The following RP1 variants were observed in gnomAD, a reference collection of about 807,000 sequenced individuals.
The protein encoded by RP1 is oxygen-regulated protein 1.
In RP1, 16 loss-of-function variants were observed where a neutral mutation model predicts 14.8. The observed-to-expected ratio is 1.08, with a 90% CI of 0.73 to 1.65. The LOEUF is 1.65. Among genes scored for constraint, RP1 ranks in the 40% most tolerant of loss-of-function variants. The probability of loss-of-function intolerance (pLI) is 0.00; values close to 1 mark genes in which losing one functional copy is unlikely to be tolerated. For missense variants in RP1, 2,631 were observed against 2,535.0 expected, an observed-to-expected ratio of 1.04 and a Z score of -0.81; for synonymous variants, 876 against 883.6, an observed-to-expected ratio of 0.99 and a Z score of 0.15.
intron 27 of RP1, among the ~76,000 whole-genome samples, chr8:54,865,376 T>G (rs1217186694): frequency 1.3e-5 from 2 of 151,770 alleles, no homozygotes; most frequent in Non-Finnish European, 2.9e-5. Context: ...CTTCTCTCTC[T>G]CCCTTCTTTC....
chr8:54,775,000 T>C (rs1809998206), intron 23 of RP1, among the ~76,000 whole-genome samples: 1 of 152,066 alleles, frequency 6.6e-6, no homozygotes, highest in Non-Finnish European at 1.5e-5. Flanking sequence ...GTCATAAATA[T>C]CAGGGTGTTT....
intron 1 of RP1, among the ~76,000 whole-genome samples, chr8:54,572,812 C>T (rs954784833): frequency 6.6e-6 from 1 of 152,140 alleles, no homozygotes; most frequent in Non-Finnish European, 1.5e-5. Context: ...CCCTGCTGGT[C>T]CCACCCTGCT....
chr8:54,665,858 G>C (rs1807005261), intron 7 of RP1, among the ~76,000 whole-genome samples: 1 of 152,102 alleles, frequency 6.6e-6, no homozygotes, highest in Admixed American at 6.6e-5. Context: ...GAAATCGTTG[G>C]GAAACTTGAC....
intron 1 of RP1, among the ~76,000 whole-genome samples, chr8:54,590,332 C>T (rs1028709945): frequency 6.6e-6 from 1 of 152,176 alleles, no homozygotes; most frequent in Non-Finnish European, 1.5e-5. Flanking sequence ...TCTCTCATCC[C>T]TTAGTCTTTC....
intron 12 of RP1, among the ~76,000 whole-genome samples, chr8:54,692,966 C>G (rs951268474): frequency 1.3e-5 from 2 of 152,138 alleles, no homozygotes; most frequent in African/African-American, 4.8e-5. Context: ...ACATTTACGT[C>G]TTTAATCCAT....
At chr8:54,819,341 T>C (rs1446162502) in intron 24 of RP1, among the ~76,000 whole-genome samples, 2 of 152,066 alleles carry the variant, frequency 1.3e-5, no homozygotes, top group African/African-American at 4.8e-5. Context: ...GTTAAATGTC[T>C]CTGATAGGAT....
intron 1 of RP1, among the ~76,000 whole-genome samples, chr8:54,608,897 C>T (rs747877795): frequency 1.4e-4 from 22 of 152,292 alleles, no homozygotes; most frequent in South Asian, 1.2e-3. Context: ...CTGGGACTGT[C>T]TTATCTGTAG....
intron 24 of RP1, among the ~76,000 whole-genome samples, chr8:54,803,276 G>C (rs563174965): frequency 6.6e-6 from 1 of 152,112 alleles, no homozygotes; most frequent in Non-Finnish European, 1.5e-5. Flanking sequence ...TCACTGTCTC[G>C]TGGACGGGAC....
chr8:54,835,224 G>A (rs973774361), intron 24 of RP1, among the ~76,000 whole-genome samples: 2 of 152,112 alleles, frequency 1.3e-5, no homozygotes, highest in Non-Finnish European at 2.9e-5. Context: ...AGTGACTCAG[G>A]TTGATGTATT....
At chr8:54,746,884 T>C (rs1473139053) in intron 19 of RP1, among the ~76,000 whole-genome samples, 1 of 152,248 alleles carries the variant, frequency 6.6e-6, no homozygotes, top group Non-Finnish European at 1.5e-5. Context: ...CAGACCTTTT[T>C]GATTCCCTCA....
intron 1 of RP1, among the ~76,000 whole-genome samples, chr8:54,583,758 T>G (rs1182423308): frequency 1.3e-5 from 2 of 152,254 alleles, no homozygotes; most frequent in Non-Finnish European, 2.9e-5. Flanking sequence ...AATTTATCCA[T>G]TTCTTCTAGA....
chr8:54,673,938 T>C (rs1433186781), intron 8 of RP1: 31 of 1,527,720 alleles, frequency 2.0e-5, no homozygotes, highest in Non-Finnish European at 2.7e-5. Context: ...GGTAAGACTC[T>C]TCCACAGAGA....
chr8:54,595,276 C>A (rs561524084), intron 1 of RP1, among the ~76,000 whole-genome samples: 7 of 151,982 alleles, frequency 4.6e-5, no homozygotes, highest in Non-Finnish European at 1.0e-4. Flanking sequence ...ACTACAGGCG[C>A]CCGCCACCAT....
chr8:54,812,659 C>T (rs1811027025), intron 24 of RP1, among the ~76,000 whole-genome samples: 1 of 152,070 alleles, frequency 6.6e-6, no homozygotes, highest in African/African-American at 2.4e-5. Context: ...TTTTATCTTC[C>T]TAAAATTCTA....
intron 22 of RP1, among the ~76,000 whole-genome samples, chr8:54,769,163 G>A (rs1449734521): frequency 6.6e-6 from 1 of 152,098 alleles, no homozygotes; most frequent in Non-Finnish European, 1.5e-5. Flanking sequence ...CAAAGTGCTG[G>A]GATTACAGGC....
At chr8:54,679,415 C>T (rs1462180185) in intron 9 of RP1, 2 of 1,535,192 alleles carry the variant, frequency 1.3e-6, no homozygotes, top group Non-Finnish European at 1.7e-6. Flanking sequence ...CTTTTCTTTT[C>T]ACAGATGGCT....
intron 19 of RP1, chr8:54,739,116 T>G (rs1809006071): frequency 4.6e-5 from 42 of 909,420 alleles, no homozygotes; most frequent in Middle Eastern, 2.2e-4. Context: ...AAACGGTATT[T>G]TCCTAATTAC....
chr8:54,678,503 C>T (rs758719601), exon 9 of RP1: 68 of 1,533,924 alleles, frequency 4.4e-5, no homozygotes, highest in Non-Finnish European at 5.6e-5. Context: ...AAGGATCCCA[C>T]AACAAATTAC....
rs149597597 is a variant in RP1 at position 54,628,355 on chromosome 8, A to G, written c.4473A>G (p.Glu1491=). The G allele has an allele frequency of 6.2e-7, 1 of 1,613,834 alleles. No individual in the cohort carries two copies. Among genetic ancestry groups the G allele is most frequent in the South Asian group, 1.1e-5 (1 of 91,082 alleles). Reference sequence around the variant, plus strand: ...TAAATGGAGGAGAGCAAGCCACTGAAGAATTAATCCAAGAAGAGGTAGAGG... The same window carrying G: ...TAAATGGAGGAGAGCAAGCCACTGAGGAATTAATCCAAGAAGAGGTAGAGG... The part of the protein sequence containing the change: ...TVVNGGEQAT[E]ELIQEEVEAS... Residue 1491 remains glutamate (E), a synonymous_variant, in exon 4 of 4, where the codon GAA becomes GAG. Transcript: ENST00000220676.
Sources: allele counts gnomAD v4.1 joint callset (sites outside exome capture counted in the v4.1 genomes callset), GRCh38; gene constraint gnomAD v4.1.1; transcripts MANE v1.5; gene names NCBI Gene and HGNC (gene_info 2026-07-23, HGNC 2026-07-21).